VOPP1: variants seen among roughly 807,000 people sequenced by gnomAD.
The protein encoded by VOPP1 is VOPP1 WW domain binding protein.
A neutral mutation model predicts 23.5 loss-of-function variants in VOPP1; 8 were observed. The ratio of observed to expected loss-of-function variants is 0.34; its 90% CI spans 0.20 to 0.61. The LOEUF (loss-of-function observed/expected upper bound fraction) is 0.61, where lower values mean the gene tolerates loss of function less well. VOPP1 is among the 20% of genes least tolerant of loss of function. The probability of loss-of-function intolerance (pLI) is 0.78; values close to 1 mark genes in which losing one functional copy is unlikely to be tolerated. For synonymous variants in VOPP1, 83 were observed against 97.3 expected, an observed-to-expected ratio of 0.85 and a Z score of 0.86; for missense variants, 174 against 238.1, an observed-to-expected ratio of 0.73 and a Z score of 1.77.
intron 1 of VOPP1, 54 bp downstream of exon 1, chr7:55,572,217 C>T (rs1190737974): frequency 6.9e-6 from 10 of 1,457,514 alleles, no homozygotes; most frequent in Middle Eastern, 2.2e-4. Flanking sequence ...GCGCCCCCAG[C>T]CGCCAGCATG....
intron 4 of VOPP1, among the ~76,000 whole-genome samples, chr7:55,440,904 T>A (rs1583782855): frequency 6.6e-6 from 1 of 152,184 alleles, no homozygotes; most frequent in East Asian, 1.9e-4. Context: ...TCCACGCCCC[T>A]CACTCCTCCT....
At chr7:55,483,763 TC>T (rs1206395649) in intron 4 of VOPP1, among the ~76,000 whole-genome samples, 1 of 152,124 alleles carries the variant, frequency 6.6e-6, no homozygotes, top group Non-Finnish European at 1.5e-5. Context: ...GGTCCTTTTT[TC>T]TTTTTTCTTT....
At chr7:55,464,176 G>A (rs930343711) in intron 4 of VOPP1, among the ~76,000 whole-genome samples, 1 of 152,198 alleles carries the variant, frequency 6.6e-6, no homozygotes, top group Non-Finnish European at 1.5e-5. Context: ...CAGAACCCAC[G>A]ATGGTGTGTG....
intron 3 of VOPP1, among the ~76,000 whole-genome samples, chr7:55,494,745 C>T (rs898713561): frequency 2.0e-5 from 3 of 152,150 alleles, no homozygotes; most frequent in Admixed American, 2.0e-4. Context: ...CCAAAGTGCA[C>T]CATTGTGCTA....
At chr7:55,524,992 C>A (rs1326473728) in intron 1 of VOPP1, among the ~76,000 whole-genome samples, 2 of 152,054 alleles carry the variant, frequency 1.3e-5, no homozygotes, top group Non-Finnish European at 2.9e-5. Flanking sequence ...CCAGCAGGCA[C>A]GCAGATATGG....
intron 4 of VOPP1, among the ~76,000 whole-genome samples, chr7:55,448,647 G>A (rs1380280589): frequency 1.3e-5 from 2 of 152,166 alleles, no homozygotes; most frequent in Non-Finnish European, 2.9e-5. Flanking sequence ...CCACACCCAG[G>A]CTCCAGAAAG....
At chr7:55,446,195 A>G (rs815948) in intron 4 of VOPP1, among the ~76,000 whole-genome samples, 46,558 of 151,822 alleles carry the variant, frequency 0.31, 7,779 homozygotes, top group East Asian at 0.55. Flanking sequence ...GGGTTTCACC[A>G]TGTTAGCCAG....
intron 1 of VOPP1, among the ~76,000 whole-genome samples, chr7:55,526,002 C>T (rs148014163): frequency 1.0e-3 from 157 of 152,282 alleles, no homozygotes; most frequent in African/African-American, 3.5e-3. Flanking sequence ...ACCTAGCAGG[C>T]ATCCTCAGTT....
chr7:55,530,751 C>T (rs1223515492), intron 1 of VOPP1: 1 of 152,218 alleles, frequency 6.6e-6, no homozygotes, highest in African/African-American at 2.4e-5. Context: ...ACTGAATCCA[C>T]ATGAAAGACC....
At chr7:55,499,935 T>C (rs1479385749) in intron 2 of VOPP1, among the ~76,000 whole-genome samples, 1 of 152,106 alleles carries the variant, frequency 6.6e-6, no homozygotes, top group Non-Finnish European at 1.5e-5. Context: ...GGTTGATCAA[T>C]GTGTGTGTGC....
At chr7:55,552,936 C>A (rs1797671345) in intron 1 of VOPP1, 4 of 844,408 alleles carry the variant, frequency 4.7e-6, no homozygotes, top group Non-Finnish European at 6.7e-6. Flanking sequence ...AAATTGCTGA[C>A]AAATGCTAAG....
chr7:55,440,036 G>A (rs183723246), intron 4 of VOPP1, among the ~76,000 whole-genome samples: 10 of 152,336 alleles, frequency 6.6e-5, no homozygotes, highest in Non-Finnish European at 7.3e-5. Flanking sequence ...CTGGTCTGGA[G>A]GCAGGTTGCG....
downstream of VOPP1, among the ~76,000 whole-genome samples, chr7:55,468,668 C>T (rs1161864947): frequency 3.3e-5 from 5 of 152,202 alleles, no homozygotes; most frequent in East Asian, 1.9e-4. Flanking sequence ...AGTGCCTGGG[C>T]GGGGCCGCGT....
At chr7:55,522,595 T>C (rs2049422708) in intron 1 of VOPP1, among the ~76,000 whole-genome samples, 1 of 151,846 alleles carries the variant, frequency 6.6e-6, no homozygotes, top group Non-Finnish European at 1.5e-5. Flanking sequence ...TCTCCCTTAT[T>C]CTCCATCACC....
chr7:55,561,748 CAAA>C (rs372739310), intron 1 of VOPP1: 318 of 300,004 alleles, frequency 1.1e-3, no homozygotes, highest in South Asian at 2.2e-3. Context: ...TCCCCTCTTC[CAAA>C]AAAAAAAAAA....
chr7:55,504,452 G>A (rs1794577887), intron 2 of VOPP1, among the ~76,000 whole-genome samples: 1 of 152,246 alleles, frequency 6.6e-6, no homozygotes, highest in South Asian at 2.1e-4. Context: ...CTCTGGGGGA[G>A]CAGAGGAAGA....
In VOPP1 at chr7:55,537,543, G is replaced by T. The variant is rs576179746; in HGVS notation, c.55-16413C>A. 1.5e-4 allele frequency: 235 copies of T among 1,536,010 alleles called. 1 individual carries two copies. Among genetic ancestry groups the T allele is most frequent in the South Asian group, 8.8e-4 (74 of 84,056 alleles). On this transcript the variant is annotated intron_variant, in intron 1 of 4. Transcript: ENST00000285279. Reference sequence around the variant, plus strand: ...TCCTTCGCATTCTGTTAGGCGCAAGGATGCAGGCAGCGCACCTCCTCGCCA... The same window carrying T: ...TCCTTCGCATTCTGTTAGGCGCAAGTATGCAGGCAGCGCACCTCCTCGCCA...
At chr7:55,538,191 G>A (rs2129049656) in intron 1 of VOPP1, among the ~76,000 whole-genome samples, 1 of 152,300 alleles carries the variant, frequency 6.6e-6, no homozygotes, top group African/African-American at 2.4e-5. Flanking sequence ...ACGAAGTATT[G>A]CAAAGTCAGT....
intron 1 of VOPP1, chr7:55,538,591 A>G (rs1170927407): frequency 9.8e-6 from 15 of 1,533,916 alleles, no homozygotes; most frequent in South Asian, 1.2e-5. Context: ...AATAACAAAC[A>G]TAATAATCCA....
Sources: allele counts gnomAD v4.1 joint callset (sites outside exome capture counted in the v4.1 genomes callset), GRCh38; gene constraint gnomAD v4.1.1; transcripts MANE v1.5; gene names NCBI Gene and HGNC (gene_info 2026-07-23, HGNC 2026-07-21).